Variants in DLG2 observed in about 807,000 individuals in gnomAD.
DLG2 encodes the protein disks large homolog 2.
In DLG2, 45 loss-of-function variants were observed where a neutral mutation model predicts 132.5. That is an observed-to-expected ratio of 0.34 (90% confidence interval 0.27 to 0.44). The LOEUF is 0.44. Among genes scored for constraint, DLG2 ranks in the 20% least tolerant of loss-of-function variants. DLG2 has a pLI of 1.00. For synonymous variants in DLG2, 424 were observed against 419.6 expected (o/e 1.01, Z -0.13); for missense variants, 1,045 against 1,196.9 (o/e 0.87, Z 1.87).
chr11:83,989,773 T>C (rs2093599333), intron 11 of DLG2, among the ~76,000 whole-genome samples: 1 of 152,138 alleles, frequency 6.6e-6, no homozygotes, highest in South Asian at 2.1e-4. Flanking sequence ...TATGATACAG[T>C]AAGACAGGGT....
chr11:83,815,779 A>G (rs1180189567), intron 17 of DLG2, among the ~76,000 whole-genome samples: 2 of 152,176 alleles, frequency 1.3e-5, no homozygotes, highest in Non-Finnish European at 2.9e-5. Flanking sequence ...CACAGGCCTC[A>G]TGGGGGCCTC....
chr11:84,374,061 A>T (rs1020735112), intron 7 of DLG2, among the ~76,000 whole-genome samples: 1 of 152,154 alleles, frequency 6.6e-6, no homozygotes, highest in African/African-American at 2.4e-5. Flanking sequence ...TGCTTTAATG[A>T]AAACCCACCA....
chr11:84,754,816 T>C lies in DLG2; in HGVS notation c.358-220085A>G, dbSNP rs1221135142. On this transcript the variant is annotated intron_variant, in intron 6 of 27. Transcript: ENST00000376104. ...GTGATTATGATGTGTCAAGGTAGAT[T>C]ACTCAATTGTTACAAATTTACCATT... Among the ~76,000 whole-genome samples the C allele has an allele frequency of 2.0e-5, 3 of 152,204 alleles. No individual in the cohort carries two copies. In the East Asian group the frequency reaches 5.8e-4, roughly 29 times the overall value.
chr11:85,528,495 T>C (rs931919576), intron 3 of DLG2, among the ~76,000 whole-genome samples: 1 of 152,188 alleles, frequency 6.6e-6, no homozygotes, highest in Non-Finnish European at 1.5e-5. Context: ...TAAGTTAATG[T>C]TAATAATATG....
intron 3 of DLG2, among the ~76,000 whole-genome samples, chr11:85,496,038 T>C (rs544543411): frequency 2.0e-5 from 3 of 152,212 alleles, no homozygotes; most frequent in East Asian, 3.9e-4. Flanking sequence ...ATTCATCTCA[T>C]TGGGACTGGT....
intron 9 of DLG2, among the ~76,000 whole-genome samples, chr11:84,123,276 T>C (rs1379074468): frequency 6.6e-6 from 1 of 152,238 alleles, no homozygotes; most frequent in Non-Finnish European, 1.5e-5. Context: ...CACTTTGCAA[T>C]AGGCATGCAA....
At chr11:83,546,157 G>A (rs2096237985) in intron 19 of DLG2, among the ~76,000 whole-genome samples, 1 of 152,114 alleles carries the variant, frequency 6.6e-6, no homozygotes, top group African/African-American at 2.4e-5. Flanking sequence ...GAGTGAAGCA[G>A]CTGCTCATCC....
intron 3 of DLG2, chr11:85,452,391 A>C (rs1390546876): frequency 6.5e-6 from 1 of 153,114 alleles, no homozygotes; most frequent in Non-Finnish European, 1.5e-5. Flanking sequence ...AACCTCCACT[A>C]GACCTTCTGT....
intron 3 of DLG2, among the ~76,000 whole-genome samples, chr11:85,401,897 T>TG (rs1349822982): frequency 1.3e-5 from 2 of 151,966 alleles, no homozygotes; most frequent in African/African-American, 4.8e-5. Context: ...ATCAATATTG[T>TG]GAAAATGGCC....
intron 4 of DLG2, among the ~76,000 whole-genome samples, chr11:85,160,094 G>GTCCT (rs1480540017): frequency 6.6e-6 from 1 of 152,164 alleles, no homozygotes; most frequent in Non-Finnish European, 1.5e-5. Flanking sequence ...TAAAAAATAA[G>GTCCT]TTGCTGAATT....
intron 3 of DLG2, among the ~76,000 whole-genome samples, chr11:85,481,955 G>T (rs536957765): frequency 2.0e-5 from 3 of 152,042 alleles, no homozygotes; most frequent in African/African-American, 4.8e-5. Flanking sequence ...CAGGGTCCAG[G>T]TCTACAGAGC....
intron 3 of DLG2, among the ~76,000 whole-genome samples, chr11:85,490,911 G>C (rs563217295): frequency 6.6e-6 from 1 of 151,952 alleles, no homozygotes; most frequent in Non-Finnish European, 1.5e-5. Flanking sequence ...GAATTATCCC[G>C]AATTCAATCT....
chr11:83,753,617 A>AAT (rs554047235), intron 18 of DLG2, among the ~76,000 whole-genome samples: 4 of 141,340 alleles, frequency 2.8e-5, no homozygotes, highest in African/African-American at 8.6e-5. Context: ...ATCAATTTAA[A>AAT]ATATATATAT....
At chr11:85,022,105 T>C (rs761784842) in intron 6 of DLG2, among the ~76,000 whole-genome samples, 4 of 152,046 alleles carry the variant, frequency 2.6e-5, no homozygotes, top group Non-Finnish European at 5.9e-5. Flanking sequence ...TAATATATTA[T>C]ATTTATGGGA....
At chr11:85,589,780 A>G (rs1034120456) in intron 3 of DLG2, among the ~76,000 whole-genome samples, 2 of 152,006 alleles carry the variant, frequency 1.3e-5, no homozygotes, top group East Asian at 2.0e-4. Flanking sequence ...CAGCTGAGAA[A>G]GCAAGCAGGG....
intron 2 of DLG2, among the ~76,000 whole-genome samples, chr11:85,615,869 T>A (rs2081298259): frequency 6.6e-6 from 1 of 151,998 alleles, no homozygotes; most frequent in Non-Finnish European, 1.5e-5. Flanking sequence ...AAACCACTGA[T>A]GGAAGGGGAC....
At chr11:84,174,730 T>C (rs2154273801) in intron 8 of DLG2, among the ~76,000 whole-genome samples, 1 of 152,300 alleles carries the variant, frequency 6.6e-6, no homozygotes, top group Admixed American at 6.5e-5. Flanking sequence ...AAAGACTGTC[T>C]TGTCCATCGA....
At chr11:85,543,062 T>G (rs1169152633) in intron 3 of DLG2, among the ~76,000 whole-genome samples, 1 of 152,218 alleles carries the variant, frequency 6.6e-6, no homozygotes, top group African/African-American at 2.4e-5. Context: ...TAGGTATACA[T>G]GTGCCATGGG....
At chr11:85,119,454 T>C (rs1442112631) in intron 5 of DLG2, among the ~76,000 whole-genome samples, 1 of 152,068 alleles carries the variant, frequency 6.6e-6, no homozygotes, top group Non-Finnish European at 1.5e-5. Flanking sequence ...CATAGTTTTG[T>C]GAAATATTTT....
Sources: gnomAD v4.1 joint callset for allele counts (sites outside exome capture counted in the v4.1 genomes callset) on GRCh38, gnomAD v4.1.1 for gene constraint, MANE v1.5 for transcripts, NCBI Gene and HGNC (gene_info 2026-07-23, HGNC 2026-07-21) for gene names.